Variants in GLIS3 observed in about 807,000 individuals in gnomAD.
The protein encoded by GLIS3 is zinc finger protein GLIS3.
In GLIS3, 53 loss-of-function variants were observed where a neutral mutation model predicts 78.6. The ratio of observed to expected loss-of-function variants is 0.67; its 90% CI spans 0.54 to 0.85. The LOEUF (loss-of-function observed/expected upper bound fraction) is 0.85. Ranked by LOEUF, GLIS3 falls within the 40% of genes least tolerant of loss-of-function variation. GLIS3 has a pLI of 0.00. For missense variants in GLIS3, 1,703 were observed against 1,231.1 expected (o/e 1.38, Z -5.74); for synonymous variants, 684 against 509.9 (o/e 1.34, Z -4.60).
At chr9:4,097,058 G>A (rs1337423141) in intron 4 of GLIS3, among the ~76,000 whole-genome samples, 2 of 152,022 alleles carry the variant, frequency 1.3e-5, no homozygotes, top group African/African-American at 4.8e-5. Flanking sequence ...GAAACAAAGG[G>A]TGAGATACGC....
chr9:4,298,327 C>A (rs1307587383), intron 1 of GLIS3: 1 of 455,384 alleles, frequency 2.2e-6, no homozygotes, highest in Non-Finnish European at 4.4e-6. Flanking sequence ...TCCAGCAAGT[C>A]GGAGGGCGCG....
At chr9:4,459,589 C>A in the GLIS3 span, among the ~76,000 whole-genome samples, 1 of 152,172 alleles carries the variant, frequency 6.6e-6, no homozygotes, top group Admixed American at 6.5e-5. Flanking sequence ...CACAGTGAGA[C>A]CTCATCACTA....
chr9:4,374,977 C>T, the GLIS3 span, among the ~76,000 whole-genome samples: 23 of 148,026 alleles, frequency 1.6e-4, no homozygotes, highest in Non-Finnish European at 2.3e-4. Context: ...AACAGTTTGC[C>T]GCTAGATGAT....
intron 2 of GLIS3, among the ~76,000 whole-genome samples, chr9:4,230,438 C>A (rs143443205): frequency 1.1e-4 from 16 of 152,276 alleles, no homozygotes; most frequent in African/African-American, 3.8e-4. Flanking sequence ...GGCCTCCTCC[C>A]TTCTCTGAAA....
At chr9:4,025,651 G>A (rs947663182) in intron 4 of GLIS3, among the ~76,000 whole-genome samples, 1 of 152,164 alleles carries the variant, frequency 6.6e-6, no homozygotes, top group African/African-American at 2.4e-5. Flanking sequence ...CTCCCAAAAT[G>A]CTGGGATTAC....
intron 4 of GLIS3, among the ~76,000 whole-genome samples, chr9:4,022,127 A>G (rs929166324): frequency 6.6e-6 from 1 of 152,082 alleles, no homozygotes; most frequent in Non-Finnish European, 1.5e-5. Context: ...ACCATTAGAT[A>G]GAATTTCTCA....
intron 7 of GLIS3, among the ~76,000 whole-genome samples, chr9:3,884,532 G>C (rs1821945430): frequency 6.6e-6 from 1 of 152,154 alleles, no homozygotes; most frequent in African/African-American, 2.4e-5. Context: ...AGGTCTTGGG[G>C]GTGCTGAGGC....
the GLIS3 span, among the ~76,000 whole-genome samples, chr9:4,412,699 C>G: frequency 6.6e-6 from 1 of 152,164 alleles, no homozygotes; most frequent in African/African-American, 2.4e-5. Flanking sequence ...CCCTTTCTTC[C>G]TGGGCCAGTA....
At chr9:4,454,688 G>T in the GLIS3 span, among the ~76,000 whole-genome samples, 3 of 152,246 alleles carry the variant, frequency 2.0e-5, no homozygotes, top group Admixed American at 2.0e-4. Flanking sequence ...CTCTATTGCA[G>T]GGAATATATT....
intron 2 of GLIS3, among the ~76,000 whole-genome samples, chr9:4,219,514 G>A (rs1821134882): frequency 6.6e-6 from 1 of 152,226 alleles, no homozygotes; most frequent in South Asian, 2.1e-4. Flanking sequence ...CTAAACCACT[G>A]AGCCTACCCT....
At chr9:4,043,000 G>T (rs568398607) in intron 4 of GLIS3, among the ~76,000 whole-genome samples, 1 of 151,196 alleles carries the variant, frequency 6.6e-6, no homozygotes, top group East Asian at 1.9e-4. Flanking sequence ...CCCAAGAGTG[G>T]CAATCTTGGA....
the GLIS3 span, among the ~76,000 whole-genome samples, chr9:4,456,707 A>G: frequency 6.6e-6 from 1 of 152,190 alleles, no homozygotes; most frequent in East Asian, 1.9e-4. Context: ...CTTAGAGGCC[A>G]TTGTAGGGTT....
Position 4,195,105 on chromosome 9 carries a change from C to T in GLIS3, c.389-69164G>A, listed in dbSNP as rs141595737. On this transcript the variant is annotated intron_variant, in intron 2 of 10. Coordinates refer to ENST00000381971, the MANE Select transcript of GLIS3 (RefSeq NM_001042413.2). The stretch of plus-strand genomic sequence containing the variant: ...GCTCTCCCCAACTGCAAGCCAGGGG[C>T]AGGAGAAGAGCTCCTCCAACTGAGA... 2.6e-3 allele frequency among the ~76,000 whole-genome samples: 392 copies of T among 152,364 alleles called. 1 individual carries two copies. The highest frequency in any genetic ancestry group is 8.8e-3 in the African/African-American group (366 of 41,598).
intron 2 of GLIS3, among the ~76,000 whole-genome samples, chr9:4,228,187 G>T (rs1821939431): frequency 8.7e-6 from 1 of 115,528 alleles, no homozygotes; most frequent in East Asian, 2.7e-4. Flanking sequence ...ATAAAGAGAA[G>T]TCTAAGGTGG....
At chr9:4,175,921 A>G (rs2131149710) in intron 2 of GLIS3, among the ~76,000 whole-genome samples, 1 of 152,346 alleles carries the variant, frequency 6.6e-6, no homozygotes, top group East Asian at 1.9e-4. Flanking sequence ...CAAGTCTCCC[A>G]GATAGGAGAT....
intron 2 of GLIS3, among the ~76,000 whole-genome samples, chr9:4,259,671 A>G (rs957761143): frequency 1.6e-4 from 25 of 152,180 alleles, no homozygotes; most frequent in African/African-American, 6.0e-4. Context: ...ATAACACAAG[A>G]TAATGCTTAA....
At chr9:4,397,125 A>T in the GLIS3 span, among the ~76,000 whole-genome samples, 1 of 133,630 alleles carries the variant, frequency 7.5e-6, no homozygotes, top group Non-Finnish European at 1.6e-5. Flanking sequence ...TCCTGGGTTC[A>T]CGCCATTCTC....
chr9:4,250,793 G>A (rs1326810516), intron 2 of GLIS3, among the ~76,000 whole-genome samples: 1 of 152,188 alleles, frequency 6.6e-6, no homozygotes, highest in East Asian at 1.9e-4. Flanking sequence ...CTGTGTCCCA[G>A]AGATTCTGGT....
intron 1 of GLIS3, among the ~76,000 whole-genome samples, chr9:4,297,162 A>G (rs1242249649): frequency 1.3e-5 from 2 of 152,044 alleles, no homozygotes; most frequent in South Asian, 4.1e-4. Flanking sequence ...AGGTCCAGTG[A>G]GGAACAAGAC....
Sources: allele counts gnomAD v4.1 joint callset (sites outside exome capture counted in the v4.1 genomes callset), GRCh38; gene constraint gnomAD v4.1.1; transcripts MANE v1.5; gene names NCBI Gene and HGNC (gene_info 2026-07-23, HGNC 2026-07-21).